DNMT3A: variants seen among roughly 807,000 people sequenced by gnomAD.
DNMT3A encodes DNA methyltransferase 3 alpha.
Under a neutral mutation model 117.6 loss-of-function variants are expected in DNMT3A, and 267 were observed. That is an observed-to-expected ratio of 2.27 (90% CI 2.05 to 2.51). The LOEUF is 2.51. Among genes scored for constraint, DNMT3A ranks in the 30% most tolerant of loss-of-function variants. The pLI, the probability that DNMT3A is intolerant of heterozygous loss-of-function variation, is 0.00. For synonymous variants in DNMT3A, 432 were observed against 474.8 expected, an observed-to-expected ratio of 0.91 and a Z score of 1.17; for missense variants, 1,029 against 1,260.2, an observed-to-expected ratio of 0.82 and a Z score of 2.78.
Position 25,234,130 on chromosome 2 carries a change from G to C in DNMT3A, c.*149C>G. 8.0e-7 allele frequency: 1 copy of C among 1,243,218 alleles called. No homozygotes were observed. Among genetic ancestry groups the C allele is most frequent in the Non-Finnish European group, 1.1e-6 (1 of 937,552 alleles). 77.0% of individuals were successfully genotyped at this position (1,243,218 alleles called of 1,614,324 possible). On this transcript the variant is annotated 3_prime_UTR_variant, in exon 23 of 23. Coordinates refer to ENST00000321117, the MANE Select transcript of DNMT3A (RefSeq NM_022552.5). The surrounding 1 kb of genome is among the most constrained non-coding windows in gnomAD (Gnocchi z 4.5). ...CAAGGCAAAGCCCTCCGGTATTTCC[G>C]CCTCTGTGGTTTTTGTTTTAAATTC...
At position 25,252,505 on chromosome 2, in the gene DNMT3A, C is replaced by A. The variant is rs2149327359; in HGVS notation, c.640-4253G>T. ...GTCCGAGGGGCGCGGGGCCGGGGGG[C>A]GAGGCCGTTCCCCGCCCGTTCCCAG... On this transcript the variant is annotated intron_variant, in intron 6 of 22. Transcript: ENST00000321117. The surrounding 1 kb of genome is among the most constrained non-coding windows in gnomAD (Gnocchi z 5.5). 6.6e-6 allele frequency among the ~76,000 whole-genome samples: 1 copy of A among 152,056 alleles called. No homozygotes were observed. Among genetic ancestry groups the A allele is most frequent in the South Asian group, 2.1e-4 (1 of 4,826 alleles).
rs535482880 is a variant in DNMT3A, at chr2:25,305,122, C to T, written c.73-4879G>A. 1.3e-4 allele frequency among the ~76,000 whole-genome samples: 20 copies of T among 152,344 alleles called. No individual in the cohort carries two copies. The East Asian group carries it at 2.9e-3, about 22-fold the overall frequency. ...GTCCATAGACGCAAACAGAGACACACGTACAAATCTACAAACCCGTACAAA... is the reference window on the plus strand; with the variant it reads ...GTCCATAGACGCAAACAGAGACACATGTACAAATCTACAAACCCGTACAAA... On this transcript the variant is annotated intron_variant, in intron 2 of 22. Transcript: ENST00000321117. This position sits in a 1 kb window ranked among gnomAD's most constrained non-coding sequence, Gnocchi z 4.1.
At chr2:25,284,645 T>TAAAA (rs56901099) in intron 3 of DNMT3A, among the ~76,000 whole-genome samples, 603 of 16,632 alleles carry the variant, frequency 0.036, 96 homozygotes, top group African/African-American at 0.078. Context: ...AGACTCCATC[T>TAAAA]AAAAAAAAAA....
At chr2:25,321,580 G>A (rs559841587) in intron 1 of DNMT3A, among the ~76,000 whole-genome samples, 1 of 152,326 alleles carries the variant, frequency 6.6e-6, no homozygotes, top group South Asian at 2.1e-4. Context: ...TCTTAGGGGG[G>A]CCATTATTCT....
chr2:25,243,122 C>G (rs989267892), intron 16 of DNMT3A, among the ~76,000 whole-genome samples: 1 of 151,952 alleles, frequency 6.6e-6, no homozygotes, highest in South Asian at 2.1e-4. Flanking sequence ...CTGGCCAACA[C>G]GGTGAAACAC....
At chr2:25,332,176 C>T (rs1407891180) in intron 1 of DNMT3A, among the ~76,000 whole-genome samples, 1 of 152,214 alleles carries the variant, frequency 6.6e-6, no homozygotes, top group Non-Finnish European at 1.5e-5. Flanking sequence ...ATATAAATCC[C>T]AAGCCCAACG....
chr2:25,334,887 T>G (rs2035149419), intron 1 of DNMT3A, among the ~76,000 whole-genome samples: 1 of 152,258 alleles, frequency 6.6e-6, no homozygotes, highest in Non-Finnish European at 1.5e-5. Context: ...TTAATTCTTT[T>G]TTCTACTTTC....
chr2:25,336,415 C>G (rs917049026), intron 1 of DNMT3A, among the ~76,000 whole-genome samples: 10 of 152,172 alleles, frequency 6.6e-5, no homozygotes, highest in African/African-American at 2.4e-4. Flanking sequence ...CCCTTCTCCA[C>G]CTGCCACATC....
rs1165157265 is a variant in DNMT3A at position 25,231,528 on chromosome 2, GGTTTT to G, written c.*2746_*2750del. 2.0e-5 allele frequency: 3 copies of G among 152,200 alleles called. No homozygotes were observed. Among genetic ancestry groups the G allele is most frequent in the African/African-American group, 4.8e-5 (2 of 41,448 alleles). The allele number at this position is 152,200 out of a possible 1,614,324, so 9.4% of individuals were successfully genotyped here. A position where few individuals can be genotyped will look rare whatever the true frequency, so the allele number is the denominator to read the frequency against. ...AGCAGGGGGTCCAAAGCCTTGGTTTGGTTTTGTCACTAATTACTAATTTGGTTTAT... is the reference window on the plus strand; with the variant it reads ...AGCAGGGGGTCCAAAGCCTTGGTTTGGTCACTAATTACTAATTTGGTTTAT... On this transcript the variant is annotated 3_prime_UTR_variant, in exon 23 of 23. Coordinates refer to ENST00000321117, the MANE Select transcript of DNMT3A (RefSeq NM_022552.5).
chr2:25,337,977 C>T lies in DNMT3A; in HGVS notation c.-178+3849G>A, dbSNP rs1027929924. 6.6e-6 allele frequency among the ~76,000 whole-genome samples: 1 copy of T among 152,154 alleles called. No homozygotes were observed. Among genetic ancestry groups the T allele is most frequent in the African/African-American group, 2.4e-5 (1 of 41,422 alleles). ...TCAAACAAAAGTAGAAGCTATTCCC[C>T]GAGGGCCGCAGCATGGGGAATGGCA... On this transcript the variant is annotated intron_variant, in intron 1 of 22. Coordinates refer to ENST00000321117, the MANE Select transcript of DNMT3A (RefSeq NM_022552.5). The surrounding 1 kb of genome is among the most constrained non-coding windows in gnomAD (Gnocchi z 5.0).
At chr2:25,333,322 G>T (rs929945391) in intron 1 of DNMT3A, among the ~76,000 whole-genome samples, 9 of 150,774 alleles carry the variant, frequency 6.0e-5, no homozygotes, top group Non-Finnish European at 1.2e-4. Context: ...GGCCACACTT[G>T]CAGGTCTTTT....
At chr2:25,340,971 C>T (rs1312785007) in intron 1 of DNMT3A, among the ~76,000 whole-genome samples, 1 of 146,456 alleles carries the variant, frequency 6.8e-6, no homozygotes, top group Non-Finnish European at 1.5e-5. Flanking sequence ...AGGGAGGAGC[C>T]GGGCACGACC....
chr2:25,241,123 C>T (rs1673977030), intron 17 of DNMT3A, among the ~76,000 whole-genome samples: 1 of 152,146 alleles, frequency 6.6e-6, no homozygotes, highest in African/African-American at 2.4e-5. Context: ...AAGGGAAGAC[C>T]CTGCCTGAGC....
intron 20 of DNMT3A, among the ~76,000 whole-genome samples, chr2:25,238,044 G>C (rs1673559683): frequency 6.6e-6 from 1 of 152,256 alleles, no homozygotes; most frequent in Non-Finnish European, 1.5e-5. Context: ...CCTGCATGCA[G>C]GACCTCTGCT....
chr2:25,245,879 C>T, intron 12 of DNMT3A, 141 bp downstream of exon 12: 1 of 1,096,828 alleles, frequency 9.1e-7, no homozygotes, highest in South Asian at 1.4e-5. Flanking sequence ...GAAAGACAGA[C>T]AGTGCACGAA....
At chr2:25,264,146 T>TTTTTG in intron 6 of DNMT3A, among the ~76,000 whole-genome samples, 2 of 135,984 alleles carry the variant, frequency 1.5e-5, no homozygotes, top group Non-Finnish European at 3.2e-5. Flanking sequence ...TTTTTTTTTT[T>TTTTTG]TTTTTTTTTT....
rs2149254982 is a variant in DNMT3A at position 25,234,949 on chromosome 2, T to C, written c.2598-529A>G. 6.6e-6 allele frequency among the ~76,000 whole-genome samples: 1 copy of C among 152,300 alleles called. No homozygotes were observed. Among genetic ancestry groups the C allele is most frequent in the Admixed American group, 6.5e-5 (1 of 15,292 alleles). On this transcript the variant is annotated intron_variant, in intron 22 of 22. Transcript: ENST00000321117. This position sits in a 1 kb window ranked among gnomAD's most constrained non-coding sequence, Gnocchi z 4.5. Reference sequence around the variant, plus strand: ...GTTGTTTGTGTAAATGGTCTCTTTGTCTGGCTAAATCCTAGTTACACTCAG... The same window carrying C: ...GTTGTTTGTGTAAATGGTCTCTTTGCCTGGCTAAATCCTAGTTACACTCAG...
At chr2:25,240,526 GC>G in intron 18 of DNMT3A, 76 bp from the exon 19 acceptor site, 1 of 1,580,568 alleles carries the variant, frequency 6.3e-7, no homozygotes, top group Non-Finnish European at 8.6e-7. Flanking sequence ...CACGGGGAGG[GC>G]ACGGGAAGAC....
intron 17 of DNMT3A, among the ~76,000 whole-genome samples, chr2:25,241,000 G>T (rs1003808046): frequency 1.3e-5 from 2 of 152,184 alleles, no homozygotes; most frequent in Non-Finnish European, 2.9e-5. Context: ...GACCCAAGTG[G>T]ACGGCTGAGT....
Sources: gnomAD v4.1 joint callset for allele counts (sites outside exome capture counted in the v4.1 genomes callset) on GRCh38, gnomAD v4.1.1 for gene constraint, Gnocchi (gnomAD v3.1) non-coding constraint, MANE v1.5 for transcripts, NCBI Gene and HGNC (gene_info 2026-07-23, HGNC 2026-07-21) for gene names.